MADD: variants seen among roughly 807,000 people sequenced by gnomAD.
MADD encodes MAP kinase activating death domain, also known as MAP kinase-activating death domain protein.
A neutral mutation model predicts 176.7 loss-of-function variants in MADD; 109 were observed. That is an observed-to-expected ratio of 0.62 (90% CI 0.53 to 0.72). The LOEUF is 0.72. Ranked by LOEUF, MADD falls within the 30% of genes least tolerant of loss-of-function variation. MADD has a pLI of 0.00. For missense variants in MADD, 1,914 were observed against 2,045.5 expected, an observed-to-expected ratio of 0.94 and a Z score of 1.24; for synonymous variants, 771 against 771.3, an observed-to-expected ratio of 1.00 and a Z score of 0.01.
chr11:47,322,248 G>T (rs2094578687), intron 27 of MADD, among the ~76,000 whole-genome samples: 2 of 152,062 alleles, frequency 1.3e-5, no homozygotes, highest in Admixed American at 1.3e-4. Flanking sequence ...CTAAACTCAG[G>T]CTGACTTTAG....
intron 9 of MADD, 80 bp downstream of exon 9, chr11:47,282,696 T>C: frequency 6.3e-7 from 1 of 1,590,214 alleles, no homozygotes; most frequent in Non-Finnish European, 8.6e-7. Context: ...TTTGCTAATG[T>C]TTGACCTGTG....
At chr11:47,285,360 A>G (rs2059876002) in intron 13 of MADD, 91 bp from the exon 14 acceptor site, 1 of 1,572,206 alleles carries the variant, frequency 6.4e-7, no homozygotes, top group Non-Finnish European at 8.6e-7. Context: ...ACGGGAAGGG[A>G]GTGGCAACTG....
chr11:47,304,949 G>A (rs1242115507), intron 22 of MADD, among the ~76,000 whole-genome samples: 1 of 152,094 alleles, frequency 6.6e-6, no homozygotes, highest in East Asian at 1.9e-4. Flanking sequence ...GGAAGGGTAT[G>A]GCAACTCTGT....
At chr11:47,316,564 AT>A (rs1350756778) in intron 27 of MADD, among the ~76,000 whole-genome samples, 30 of 147,488 alleles carry the variant, frequency 2.0e-4, no homozygotes, top group Admixed American at 1.8e-3. Context: ...AATTTTTTGT[AT>A]TTTTAGTAGG....
intron 27 of MADD, among the ~76,000 whole-genome samples, chr11:47,319,115 A>G (rs1382694405): frequency 8.8e-6 from 1 of 113,362 alleles, no homozygotes; most frequent in Non-Finnish European, 1.9e-5. Flanking sequence ...GCCAAGGAAA[A>G]TATATATATA....
intron 31 of MADD, 79 bp downstream of exon 35, chr11:47,326,886 G>A: frequency 3.8e-6 from 6 of 1,585,152 alleles, no homozygotes; most frequent in Non-Finnish European, 5.1e-6. Flanking sequence ...GAGGGTCTAG[G>A]GGCAGGGAGA....
intron 22 of MADD, among the ~76,000 whole-genome samples, chr11:47,302,416 G>T (rs556139769): frequency 6.6e-6 from 1 of 152,288 alleles, no homozygotes; most frequent in South Asian, 2.1e-4. Context: ...GTTTCACCAT[G>T]TTGGCCAGGC....
chr11:47,328,189 A>T, intron 31 of MADD: 1 of 1,050,372 alleles, frequency 9.5e-7, no homozygotes, highest in Non-Finnish European at 1.1e-6. Flanking sequence ...GAATAACGGG[A>T]ACTGTGTTTA....
intron 16 of MADD, 98 bp from the exon 18 acceptor site, chr11:47,289,769 T>C: frequency 7.4e-7 from 1 of 1,355,852 alleles, no homozygotes. Context: ...CATGGCTTTG[T>C]GTTTTACCCC....
intron 15 of MADD, among the ~76,000 whole-genome samples, chr11:47,287,410 AT>A (rs994201688): frequency 6.6e-6 from 1 of 151,986 alleles, no homozygotes; most frequent in Non-Finnish European, 1.5e-5. Context: ...TTGATTTTTT[AT>A]TTTTTTTATT....
At chr11:47,316,379 C>CT (rs2092950290) in intron 27 of MADD, among the ~76,000 whole-genome samples, 1 of 139,900 alleles carries the variant, frequency 7.1e-6, no homozygotes, top group Non-Finnish European at 1.6e-5. Flanking sequence ...TTTTTTTTTT[C>CT]TTTTTCTTTT....
At chr11:47,327,418 G>T in intron 31 of MADD, 1 of 985,402 alleles carries the variant, frequency 1.0e-6, no homozygotes, top group Non-Finnish European at 1.2e-6. Context: ...CCTCATCGCT[G>T]CTATGAAAAC....
chr11:47,289,934 A>G (rs1270390400), exon 17 of MADD: 1 of 1,614,112 alleles, frequency 6.2e-7, no homozygotes, highest in South Asian at 1.1e-5. Flanking sequence ...TGGCTGGCTC[A>G]ACATGAAAAA....
intron 7 of MADD, among the ~76,000 whole-genome samples, 165 bp from the exon 8 acceptor site, chr11:47,281,410 A>G (rs546071779): frequency 6.6e-6 from 1 of 152,336 alleles, no homozygotes; most frequent in East Asian, 1.9e-4. Flanking sequence ...AAAGGTCTGA[A>G]ATGGGTTGGC....
rs763292588 is a variant in MADD at position 47,285,418 on chromosome 11, C to T, written c.2412-33C>T. ...ATACTCCCAAGATCAGGTACCCCTG[C>T]CTGGGGATCATAGGTGCCTCTGTGC... On this transcript the variant is annotated intron_variant, in intron 13 of 32. Coordinates refer to ENST00000402192, the Ensembl canonical transcript of MADD. 44 of 1,613,276 alleles carry T rather than the reference C, an allele frequency of 2.7e-5. No homozygotes were observed. In the South Asian group the frequency reaches 4.4e-4, roughly 16 times the overall value.
chr11:47,328,045 C>A (rs1036845448), intron 31 of MADD: 108 of 991,460 alleles, frequency 1.1e-4, no homozygotes, highest in Non-Finnish European at 1.3e-4. Context: ...TGCTCCAGAG[C>A]CCTCAGACGC....
At chr11:47,284,460 G>T in exon 12 of MADD, 1 of 1,614,126 alleles carries the variant, frequency 6.2e-7, no homozygotes, top group Non-Finnish European at 8.5e-7. Context: ...AAGCAGAAGA[G>T]CCTGGCCCAG....
chr11:47,281,551 A>G, intron 7 of MADD, 24 bp from the exon 8 acceptor site: 1 of 1,577,638 alleles, frequency 6.3e-7, no homozygotes, highest in Non-Finnish European at 8.7e-7. Flanking sequence ...TCCTTGTGTA[A>G]GGAATTTTCT....
At chr11:47,288,035 C>G (rs949113294) in intron 15 of MADD, among the ~76,000 whole-genome samples, 2 of 152,082 alleles carry the variant, frequency 1.3e-5, no homozygotes, top group African/African-American at 4.8e-5. Context: ...GATCTACCCG[C>G]CTTGGCCTCC....
Sources: gnomAD v4.1 joint callset for allele counts (sites outside exome capture counted in the v4.1 genomes callset) on GRCh38, gnomAD v4.1.1 for gene constraint, MANE v1.5 for transcripts, NCBI Gene and HGNC (gene_info 2026-07-23, HGNC 2026-07-21) for gene names.